The following SAV1 variants were observed in gnomAD, a reference collection of about 807,000 sequenced individuals.
SAV1 encodes salvador family WW domain containing protein 1.
A neutral mutation model predicts 47.3 loss-of-function variants in SAV1; 23 were observed. The observed-to-expected ratio is 0.49, with a 90% CI of 0.35 to 0.69. SAV1 has a LOEUF of 0.69. SAV1 is among the 30% of genes least tolerant of loss of function. The probability of loss-of-function intolerance (pLI) is 0.01; values close to 1 mark genes in which losing one functional copy is unlikely to be tolerated. For missense variants in SAV1, 448 were observed against 457.4 expected (o/e 0.98, Z 0.19); for synonymous variants, 155 against 159.2 (o/e 0.97, Z 0.20).
chr14:50,639,080 T>G (rs1595634332), intron 4 of SAV1, among the ~76,000 whole-genome samples: 1 of 152,218 alleles, frequency 6.6e-6, no homozygotes, highest in East Asian at 1.9e-4. Flanking sequence ...CTTTTAAAAT[T>G]TTATCCTATA....
In SAV1 at chr14:50,663,590, TTC is replaced by T. The variant is rs1265695380; in HGVS notation, c.535+1587_535+1588del. ...ATGTCAGCTTTCATAAAATAAGTTG[TTC>T]TTACCAACTATTCCACATTATTTTT... On this transcript the variant is annotated intron_variant, in intron 2 of 4. Transcript: ENST00000324679. Among the ~76,000 whole-genome samples, 3 of 152,310 alleles carry T rather than the reference TTC, an allele frequency of 2.0e-5. 1 individual carries two copies. The highest frequency in any genetic ancestry group is 7.2e-5 in the African/African-American group (3 of 41,572).
At chr14:50,652,361 T>C (rs931336759) in intron 2 of SAV1, among the ~76,000 whole-genome samples, 1 of 152,210 alleles carries the variant, frequency 6.6e-6, no homozygotes, top group Non-Finnish European at 1.5e-5. Context: ...GATATGTCCA[T>C]TGAAAAGGTC....
At chr14:50,664,112 ACAGT>A (rs2140265967) in intron 2 of SAV1, 1 of 152,340 alleles carries the variant, frequency 6.6e-6, no homozygotes, top group South Asian at 2.1e-4. Context: ...TGTTGCACTT[ACAGT>A]TAGTATCACA....
At chr14:50,653,885 A>G (rs1439287970) in intron 2 of SAV1, among the ~76,000 whole-genome samples, 1 of 152,032 alleles carries the variant, frequency 6.6e-6, no homozygotes, top group African/African-American at 2.4e-5. Context: ...AAAAAAAGTT[A>G]TATTTTACAA....
intron 4 of SAV1, among the ~76,000 whole-genome samples, chr14:50,638,682 G>A (rs1311266820): frequency 6.6e-6 from 1 of 152,184 alleles, no homozygotes; most frequent in African/African-American, 2.4e-5. Flanking sequence ...CACTGCTGAG[G>A]ACTAGTGTTT....
chr14:50,660,467 A>T (rs1482198762), intron 2 of SAV1, among the ~76,000 whole-genome samples: 1 of 152,200 alleles, frequency 6.6e-6, no homozygotes, highest in Non-Finnish European at 1.5e-5. Context: ...GTCAGGTGGT[A>T]ACATTGTTTT....
intron 4 of SAV1, among the ~76,000 whole-genome samples, chr14:50,635,640 C>T (rs2039628000): frequency 6.6e-6 from 1 of 152,000 alleles, no homozygotes; most frequent in African/African-American, 2.4e-5. Flanking sequence ...ATAGCAAGAC[C>T]CTGTTTCTAA....
chr14:50,636,150 G>C (rs2039633093), intron 4 of SAV1, among the ~76,000 whole-genome samples: 1 of 152,056 alleles, frequency 6.6e-6, no homozygotes, highest in Non-Finnish European at 1.5e-5. Context: ...AAACTACAGT[G>C]GTTCTATAAT....
chr14:50,644,391 TA>T (rs1368789978), intron 3 of SAV1, among the ~76,000 whole-genome samples: 2 of 152,192 alleles, frequency 1.3e-5, no homozygotes, highest in Non-Finnish European at 2.9e-5. Flanking sequence ...CATTCTGACT[TA>T]GGGGGTAGGT....
At chr14:50,665,648 C>T (rs1772132597) in intron 1 of SAV1, 29 bp from the exon 2 acceptor site, 1 of 1,524,546 alleles carries the variant, frequency 6.6e-7, no homozygotes, top group South Asian at 1.3e-5. Flanking sequence ...TAAAATTACC[C>T]TTTCATCATT....
intron 3 of SAV1, among the ~76,000 whole-genome samples, chr14:50,642,601 C>G (rs2039689818): frequency 6.6e-6 from 1 of 151,718 alleles, no homozygotes; most frequent in South Asian, 2.1e-4. Flanking sequence ...TGTAACAAAC[C>G]TGCACATGTA....
At chr14:50,654,099 T>C (rs77654395) in intron 2 of SAV1, among the ~76,000 whole-genome samples, 5,136 of 152,264 alleles carry the variant, frequency 0.034, 91 homozygotes, top group Middle Eastern at 0.051. Flanking sequence ...AAGGCTGGGA[T>C]AGCTGTGGCA....
intron 2 of SAV1, among the ~76,000 whole-genome samples, chr14:50,647,167 T>A (rs1292427099): frequency 6.6e-6 from 1 of 152,092 alleles, no homozygotes; most frequent in African/African-American, 2.4e-5. Context: ...TAAATTTTCA[T>A]GAGTTTAGTT....
chr14:50,663,324 T>C (rs1165677535), intron 2 of SAV1: 2 of 152,262 alleles, frequency 1.3e-5, no homozygotes, highest in African/African-American at 4.8e-5. Flanking sequence ...AATAAGCAGT[T>C]ATTATTCTAG....
Position 50,634,998 on chromosome 14 carries a change from A to C in SAV1, c.*185T>G. 1.7e-6 allele frequency: 1 copy of C among 585,208 alleles called. No individual in the cohort carries two copies. The highest frequency in any genetic ancestry group is 1.9e-5 in the African/African-American group (1 of 53,692). The allele number at this position is 585,208 out of a possible 1,614,324, so 36.3% of individuals were successfully genotyped here. On this transcript the variant is annotated 3_prime_UTR_variant, in exon 5 of 5. Coordinates refer to ENST00000324679, the MANE Select transcript of SAV1 (RefSeq NM_021818.4). The stretch of plus-strand genomic sequence containing the variant: ...AAAGTGTTTGCCATATTGGCTCTTA[A>C]AATGATAGACTAATTTTTCTCATTC...
In SAV1 at chr14:50,640,651, A is replaced by C. The variant is rs2039673374; in HGVS notation, c.950+99T>G. 7.0e-6 allele frequency: 7 copies of C among 1,006,116 alleles called. No homozygotes were observed. In the South Asian group the frequency reaches 1.7e-4, roughly 24 times the overall value. 62.3% of individuals were successfully genotyped at this position (1,006,116 alleles called of 1,614,324 possible). ...ATTACTTAGAAGCCGAATATTATTAAGAGTAAAATATGGCACACTACTTGG... is the reference window on the plus strand; with the variant it reads ...ATTACTTAGAAGCCGAATATTATTACGAGTAAAATATGGCACACTACTTGG... On this transcript the variant is annotated intron_variant, in intron 4 of 4. Transcript: ENST00000324679.
At chr14:50,639,485 T>A (rs2039664227) in intron 4 of SAV1, among the ~76,000 whole-genome samples, 1 of 152,194 alleles carries the variant, frequency 6.6e-6, no homozygotes, top group South Asian at 2.1e-4. Context: ...CTTCCAGACC[T>A]CTTGTTTAAG....
chr14:50,639,653 TTCTG>T lies in SAV1; in HGVS notation c.950+1093_950+1096del, dbSNP rs555156766. 8.5e-3 allele frequency among the ~76,000 whole-genome samples: 1,302 copies of T among 152,302 alleles called. 22 individuals are homozygous for T. The highest frequency in any genetic ancestry group is 0.03 in the African/African-American group (1,232 of 41,564). On this transcript the variant is annotated intron_variant, in intron 4 of 4. Transcript: ENST00000324679. ...CTATAATCTTCAGGAATCTGTTTCTTTCTGTAAGAAACCAGGAATTCCATTTAAG... is the reference window on the plus strand; with the variant it reads ...CTATAATCTTCAGGAATCTGTTTCTTTAAGAAACCAGGAATTCCATTTAAG...
Position 50,634,106 on chromosome 14 carries a change from A to G in SAV1, c.*1077T>C. ...AGCTTAACCCAGTCTGTCAGAAGGC[A>G]GTATGCTATGCTGTCAGGAACTCTC... On this transcript the variant is annotated 3_prime_UTR_variant, in exon 5 of 5. Transcript: ENST00000324679. 1 of 440,952 alleles carries G rather than the reference A, an allele frequency of 2.3e-6. No individual in the cohort carries two copies. Among genetic ancestry groups the G allele is most frequent in the South Asian group, 1.6e-5 (1 of 61,836 alleles). 27.3% of individuals were successfully genotyped at this position (440,952 alleles called of 1,614,324 possible).
Sources: gnomAD v4.1 joint callset for allele counts (sites outside exome capture counted in the v4.1 genomes callset) on GRCh38, gnomAD v4.1.1 for gene constraint, MANE v1.5 for transcripts, NCBI Gene and HGNC (gene_info 2026-07-23, HGNC 2026-07-21) for gene names.